MTUS1: variants seen among roughly 807,000 people sequenced by gnomAD.
The protein encoded by MTUS1 is microtubule associated scaffold protein 1.
MTUS1 carries 109 observed loss-of-function variants against 120.8 expected under a neutral mutation model. The observed-to-expected ratio is 0.90, with a 90% CI of 0.77 to 1.06. The LOEUF (loss-of-function observed/expected upper bound fraction) is 1.06. Among genes scored for constraint, MTUS1 ranks in the 50% least tolerant of loss-of-function variants. The pLI, the probability that MTUS1 is intolerant of heterozygous loss-of-function variation, is 0.00. For synonymous variants in MTUS1, 737 were observed against 550.5 expected (o/e 1.34, Z -4.74); for missense variants, 2,210 against 1,486.3 (o/e 1.49, Z -8.01).
Position 17,688,308 on chromosome 8 carries a change from A to G in MTUS1, c.2624-3766T>C, listed in dbSNP as rs188260394. On this transcript the variant is annotated intron_variant, in intron 6 of 14. Coordinates refer to ENST00000693296, the MANE Select transcript of MTUS1 (RefSeq NM_001363059.2). ...TTTGCGGGGACAGGAGAAGTATCAC[A>G]TAAGAGGGTGGTATTGCTCAGAGAG... Among the ~76,000 whole-genome samples the G allele has an allele frequency of 3.9e-5, 6 of 152,328 alleles. No homozygotes were observed. The East Asian group carries it at 7.7e-4, about 20-fold the overall frequency.
chr8:17,656,805 C>G (rs1201924543), intron 8 of MTUS1, among the ~76,000 whole-genome samples: 1 of 151,646 alleles, frequency 6.6e-6, no homozygotes, highest in Non-Finnish European at 1.5e-5. Context: ...GGCGCGGTGG[C>G]TCACGCCTGT....
intron 4 of MTUS1, chr8:17,721,861 T>C (rs767823571): frequency 1.9e-6 from 3 of 1,614,012 alleles, no homozygotes; most frequent in African/African-American, 1.3e-5. Flanking sequence ...TGAAGAAATA[T>C]CAGTTTCTGT....
intron 8 of MTUS1, among the ~76,000 whole-genome samples, chr8:17,668,387 T>G (rs747986024): frequency 4.7e-4 from 71 of 152,292 alleles, no homozygotes; most frequent in Admixed American, 7.8e-4. Flanking sequence ...CAAAAAGAAC[T>G]CTAAAGATCA....
chr8:17,661,600 C>A (rs1403930190), intron 8 of MTUS1, among the ~76,000 whole-genome samples: 1 of 151,930 alleles, frequency 6.6e-6, no homozygotes, highest in East Asian at 1.9e-4. Flanking sequence ...ACACAGAAGT[C>A]CTTTCCTATT....
chr8:17,723,849 A>C lies in MTUS1; in HGVS notation c.2288-16T>G. 3.3e-5 allele frequency: 50 copies of C among 1,537,430 alleles called. 1 individual carries two copies. Among genetic ancestry groups the C allele is most frequent in the Non-Finnish European group, 4.3e-5 (49 of 1,143,744 alleles). ...GTAGGCTTTCCTTGGGGTTTAAAAA[A>C]AACAAAAAGTTTCCAGTGCTATTCA... On this transcript the variant is annotated splice_polypyrimidine_tract_variant and intron_variant, in intron 3 of 14. Coordinates refer to ENST00000693296, the MANE Select transcript of MTUS1 (RefSeq NM_001363059.2).
chr8:17,658,063 A>T (rs1808850374), intron 8 of MTUS1, among the ~76,000 whole-genome samples: 1 of 149,414 alleles, frequency 6.7e-6, no homozygotes, highest in South Asian at 2.1e-4. Flanking sequence ...ACACACACAG[A>T]GTCTTGCTGT....
At chr8:17,647,206 A>G (rs1326703530) in intron 13 of MTUS1, 127 bp from the exon 14 acceptor site, 10 of 678,854 alleles carry the variant, frequency 1.5e-5, no homozygotes, top group South Asian at 1.2e-4. Context: ...CCATATTAAA[A>G]TATTTATACA....
At chr8:17,749,189 TAGAAC>T (rs2131306134) in intron 2 of MTUS1, among the ~76,000 whole-genome samples, 1 of 152,230 alleles carries the variant, frequency 6.6e-6, no homozygotes, top group East Asian at 1.9e-4. Context: ...TTAAGACTGA[TAGAAC>T]AGACTCTTTT....
chr8:17,706,821 A>C (rs895761095), intron 6 of MTUS1, among the ~76,000 whole-genome samples: 5 of 152,244 alleles, frequency 3.3e-5, no homozygotes, highest in African/African-American at 1.2e-4. Context: ...TAAATGTAAA[A>C]GTGATTACTA....
Position 17,755,431 on chromosome 8 carries a change from G to A in MTUS1, c.377C>T (p.Ala126Val), listed in dbSNP as rs765663422. 14 of 1,614,056 alleles carry A rather than the reference G, an allele frequency of 8.7e-6. No homozygotes were observed. The highest frequency in any genetic ancestry group is 6.7e-5 in the East Asian group (3 of 44,896). The change falls in exon 2 of 15, where the codon GCA becomes GTA. Residue 126 changes from alanine to valine, a missense_variant. Physicochemically the swap from Ala to Val is moderately conservative, Grantham distance 64. Transcript: ENST00000693296. ...TGGCTCAACACTCTGGCCCTCAACT[G>A]CTTCTAGGGAATGACAACTGTGTTG... ...YLQHSCHSLE[A>V]VEGQSVEPSL...
intron 1 of MTUS1, among the ~76,000 whole-genome samples, chr8:17,775,747 G>A (rs900367589): frequency 6.6e-6 from 1 of 152,226 alleles, no homozygotes; most frequent in Non-Finnish European, 1.5e-5. Context: ...CTGGACCCAT[G>A]GCCACCAGGC....
chr8:17,726,070 A>T (rs2046210975), intron 3 of MTUS1, among the ~76,000 whole-genome samples: 1 of 151,886 alleles, frequency 6.6e-6, no homozygotes, highest in South Asian at 2.1e-4. Flanking sequence ...TCTTCTGCTT[A>T]CGCCCATCCT....
chr8:17,707,286 CTTTTCAGCATCAT>C (rs922712716), intron 6 of MTUS1, among the ~76,000 whole-genome samples: 3 of 152,180 alleles, frequency 2.0e-5, no homozygotes, highest in Admixed American at 6.5e-5. Flanking sequence ...AAGTCACTGG[CTTTTCAGCATCAT>C]TTTTCAGCAT....
At chr8:17,658,585 C>A (rs7815003) in intron 8 of MTUS1, among the ~76,000 whole-genome samples, 1 of 152,130 alleles carries the variant, frequency 6.6e-6, no homozygotes, top group Non-Finnish European at 1.5e-5. Context: ...CCCCAGAGTA[C>A]TCGTGGATTA....
chr8:17,736,129 T>C (rs937156984), intron 3 of MTUS1, among the ~76,000 whole-genome samples: 2 of 152,238 alleles, frequency 1.3e-5, no homozygotes, highest in South Asian at 4.1e-4. Flanking sequence ...TGGGCAAGCC[T>C]GCACTGTGAC....
intron 8 of MTUS1, among the ~76,000 whole-genome samples, chr8:17,671,371 C>A (rs562952341): frequency 1.9e-4 from 28 of 151,126 alleles, no homozygotes; most frequent in African/African-American, 6.8e-4. Context: ...CCATAGGAAA[C>A]AGAAAAGAAT....
chr8:17,770,545 C>CT, intron 1 of MTUS1: 1 of 152,192 alleles, frequency 6.6e-6, no homozygotes, highest in East Asian at 1.9e-4. Context: ...CAGAGACTGT[C>CT]TTTTTCATGG....
chr8:17,794,455 G>C (rs1233880014), intron 1 of MTUS1, among the ~76,000 whole-genome samples: 3 of 152,098 alleles, frequency 2.0e-5, no homozygotes, highest in Non-Finnish European at 4.4e-5. Context: ...TAAATGACTT[G>C]GTTCTGTATG....
chr8:17,796,249 C>T (rs1435319852), intron 1 of MTUS1, among the ~76,000 whole-genome samples: 7 of 152,420 alleles, frequency 4.6e-5, no homozygotes, highest in African/African-American at 1.7e-4. Flanking sequence ...CGCCCAGCCC[C>T]AAGAACATTC....
Sources: gnomAD v4.1 joint callset for allele counts (sites outside exome capture counted in the v4.1 genomes callset) on GRCh38, gnomAD v4.1.1 for gene constraint, MANE v1.5 for transcripts, NCBI Gene and HGNC (gene_info 2026-07-23, HGNC 2026-07-21) for gene names.